The following KSR2 variants were observed in gnomAD, a reference collection of about 807,000 sequenced individuals.
The protein encoded by KSR2 is kinase suppressor of ras 2.
A neutral mutation model predicts 107.8 loss-of-function variants in KSR2; 25 were observed. The observed-to-expected ratio is 0.23, with a 90% CI of 0.17 to 0.32. KSR2 has a LOEUF of 0.32. KSR2 is among the 10% of genes least tolerant of loss of function. KSR2 has a pLI of 1.00. For synonymous variants in KSR2, 480 were observed against 507.0 expected, an observed-to-expected ratio of 0.95 and a Z score of 0.71; for missense variants, 887 against 1,268.9, an observed-to-expected ratio of 0.70 and a Z score of 4.57.
At chr12:117,863,575 G>A (rs1351410270) in intron 1 of KSR2, among the ~76,000 whole-genome samples, 3 of 152,280 alleles carry the variant, frequency 2.0e-5, no homozygotes, top group South Asian at 2.1e-4. Flanking sequence ...AAAGAACATC[G>A]AATCCACCTC....
In KSR2 at chr12:117,522,731, A is replaced by G. The variant is rs573473027; in HGVS notation, c.2219+2121T>C. Among the ~76,000 whole-genome samples, 3 of 152,266 alleles carry G rather than the reference A, an allele frequency of 2.0e-5. No individual in the cohort carries two copies. In the South Asian group the frequency reaches 6.2e-4, roughly 32 times the overall value. ...CTACACTTGGAAACCTGAGACCGCC[A>G]TGAGAATGAGCCTGAGCTAGCCTGT... On this transcript the variant is annotated intron_variant, in intron 14 of 19. Transcript: ENST00000339824.
intron 1 of KSR2, among the ~76,000 whole-genome samples, chr12:117,879,846 G>A (rs1293455391): frequency 3.3e-5 from 5 of 152,220 alleles, no homozygotes; most frequent in African/African-American, 9.6e-5. Flanking sequence ...CCTGATTGCT[G>A]GATTTTGTTA....
intron 1 of KSR2, among the ~76,000 whole-genome samples, chr12:117,935,311 G>A (rs57752187): frequency 0.032 from 4,802 of 152,132 alleles, 124 homozygotes; most frequent in Middle Eastern, 0.11. Flanking sequence ...GCAGTCTTCT[G>A]ACTCATCCAC....
rs1412134248 is a variant in KSR2 at position 117,893,315 on chromosome 12, C to T, written c.181-32884G>A. Among the ~76,000 whole-genome samples the T allele has an allele frequency of 3.3e-5, 5 of 152,178 alleles. No homozygotes were observed. The South Asian group carries it at 6.2e-4, about 19-fold the overall frequency. On this transcript the variant is annotated intron_variant, in intron 1 of 19. Transcript: ENST00000339824. Reference sequence around the variant, plus strand: ...TACAGGCATGAGCCACTGTGCCCAGCGAGACCATATATAGACTAAAAATGT... The same window carrying T: ...TACAGGCATGAGCCACTGTGCCCAGTGAGACCATATATAGACTAAAAATGT...
chr12:117,876,714 CAT>C (rs1366179438), intron 1 of KSR2, among the ~76,000 whole-genome samples: 1 of 149,664 alleles, frequency 6.7e-6, no homozygotes. Context: ...ATAGATCTCC[CAT>C]ATGTGATAAT....
chr12:117,576,342 A>T (rs1293160881), intron 7 of KSR2, among the ~76,000 whole-genome samples: 4 of 152,106 alleles, frequency 2.6e-5, no homozygotes, highest in Admixed American at 2.6e-4. Context: ...TGTATGGAGA[A>T]AATCAGTCAG....
At chr12:117,655,892 T>C (rs937258602) in intron 5 of KSR2, among the ~76,000 whole-genome samples, 3 of 152,188 alleles carry the variant, frequency 2.0e-5, no homozygotes, top group Non-Finnish European at 2.9e-5. Flanking sequence ...AGTATTACCA[T>C]GCACTGTGAT....
At chr12:117,470,449 G>A (rs1405828999) in intron 18 of KSR2, among the ~76,000 whole-genome samples, 2 of 152,002 alleles carry the variant, frequency 1.3e-5, no homozygotes, top group Non-Finnish European at 2.9e-5. Flanking sequence ...TGTACTTTCT[G>A]AGCCCAAATA....
intron 4 of KSR2, among the ~76,000 whole-genome samples, chr12:117,734,135 G>A (rs1202515227): frequency 2.0e-5 from 3 of 152,076 alleles, no homozygotes; most frequent in African/African-American, 4.8e-5. Flanking sequence ...ATAAAAATTA[G>A]TTGGGCATGG....
intron 3 of KSR2, among the ~76,000 whole-genome samples, chr12:117,799,536 A>G (rs1890756291): frequency 6.6e-6 from 1 of 152,126 alleles, no homozygotes; most frequent in South Asian, 2.1e-4. Context: ...GAATGGCACA[A>G]TTTTATATTG....
intron 8 of KSR2, among the ~76,000 whole-genome samples, chr12:117,555,865 G>T (rs1374131205): frequency 6.6e-6 from 1 of 152,198 alleles, no homozygotes; most frequent in African/African-American, 2.4e-5. Flanking sequence ...TCTCCCTTCT[G>T]TTACTTCTAT....
intron 14 of KSR2, among the ~76,000 whole-genome samples, chr12:117,487,258 A>T (rs948221564): frequency 6.6e-6 from 1 of 152,258 alleles, no homozygotes. Context: ...CACATATCAC[A>T]ACTGTTTATC....
chr12:117,553,390 G>A (rs1190826461), intron 9 of KSR2, among the ~76,000 whole-genome samples: 1 of 152,236 alleles, frequency 6.6e-6, no homozygotes, highest in Non-Finnish European at 1.5e-5. Context: ...TCTAGATGCA[G>A]TCGAAAGCTA....
At chr12:117,774,812 C>T (rs1889628094) in intron 3 of KSR2, among the ~76,000 whole-genome samples, 2 of 152,154 alleles carry the variant, frequency 1.3e-5, no homozygotes, top group African/African-American at 2.4e-5. Context: ...CATTCGCAAT[C>T]CTTCCCAATT....
intron 3 of KSR2, among the ~76,000 whole-genome samples, chr12:117,811,847 A>G (rs1302066954): frequency 1.3e-5 from 2 of 152,244 alleles, no homozygotes. Context: ...TGCTTAGAAA[A>G]GAAGATGTTT....
At chr12:117,707,549 T>C (rs1364306550) in intron 4 of KSR2, among the ~76,000 whole-genome samples, 1 of 152,210 alleles carries the variant, frequency 6.6e-6, no homozygotes, top group Non-Finnish European at 1.5e-5. Context: ...TCTCTGAGCC[T>C]TGGTTTCCTA....
At chr12:117,531,606 C>G (rs1875637749) in intron 11 of KSR2, 60 bp downstream of exon 11, 1 of 1,474,760 alleles carries the variant, frequency 6.8e-7, no homozygotes, top group Non-Finnish European at 9.4e-7. Flanking sequence ...ATCCCAGAAA[C>G]TCCTGCAATG....
At chr12:117,822,143 T>C (rs1891584555) in intron 3 of KSR2, among the ~76,000 whole-genome samples, 1 of 152,180 alleles carries the variant, frequency 6.6e-6, no homozygotes, top group Non-Finnish European at 1.5e-5. Context: ...CTATATGATC[T>C]AAAAAGGGGA....
chr12:117,466,666 A>G lies in KSR2; in HGVS notation c.*533T>C, dbSNP rs1871160643. 1 of 153,120 alleles carries G rather than the reference A, an allele frequency of 6.5e-6. No homozygotes were observed. The highest frequency in any genetic ancestry group is 6.5e-5 in the Admixed American group (1 of 15,296). The allele number at this position is 153,120 out of a possible 1,614,324, so 9.5% of individuals were successfully genotyped here. A position where few individuals can be genotyped will look rare whatever the true frequency, so the allele number is the denominator to read the frequency against. On this transcript the variant is annotated 3_prime_UTR_variant, in exon 20 of 20. Transcript: ENST00000339824. The stretch of plus-strand genomic sequence containing the variant: ...GCTCGATCTTGGCTCAGTAGCCTTG[A>G]CTAAGCTGCCACTCGGCTCTGTACC...
Sources: allele counts gnomAD v4.1 joint callset (sites outside exome capture counted in the v4.1 genomes callset), GRCh38; gene constraint gnomAD v4.1.1; transcripts MANE v1.5; gene names NCBI Gene and HGNC (gene_info 2026-07-23, HGNC 2026-07-21).